MCC: variants seen among roughly 807,000 people sequenced by gnomAD.
The protein encoded by MCC is colorectal mutant cancer protein.
A neutral mutation model predicts 116.2 loss-of-function variants in MCC; 90 were observed. That is an observed-to-expected ratio of 0.77 (90% CI 0.65 to 0.92). MCC has a LOEUF of 0.92. Among genes scored for constraint, MCC ranks in the 40% least tolerant of loss-of-function variants. The pLI, the probability that MCC is intolerant of heterozygous loss-of-function variation, is 0.00. For synonymous variants in MCC, 578 were observed against 510.5 expected, an observed-to-expected ratio of 1.13 and a Z score of -1.78; for missense variants, 1,516 against 1,312.2, an observed-to-expected ratio of 1.16 and a Z score of -2.40.
At chr5:113,357,541 G>A (rs1768444003) in intron 2 of MCC, among the ~76,000 whole-genome samples, 1 of 152,150 alleles carries the variant, frequency 6.6e-6, no homozygotes, top group Admixed American at 6.5e-5. Flanking sequence ...ATTGGTCACA[G>A]CAAGTACCAG....
chr5:113,072,336 C>T (rs1478843561), intron 11 of MCC, among the ~76,000 whole-genome samples: 2 of 152,166 alleles, frequency 1.3e-5, no homozygotes, highest in Non-Finnish European at 2.9e-5. Flanking sequence ...CTGGCCATTC[C>T]AAGGTCACTT....
intron 1 of MCC, among the ~76,000 whole-genome samples, chr5:113,482,371 C>T (rs1772402232): frequency 6.6e-6 from 1 of 152,162 alleles, no homozygotes; most frequent in Non-Finnish European, 1.5e-5. Flanking sequence ...TTTCACATTG[C>T]TATCGGCAAT....
chr5:113,198,769 C>T (rs1288006849), intron 3 of MCC, among the ~76,000 whole-genome samples: 4 of 151,246 alleles, frequency 2.6e-5, no homozygotes, highest in Non-Finnish European at 5.9e-5. Context: ...CTGAGGAACA[C>T]AACAAACAGC....
At chr5:113,210,648 T>C (rs1469259791) in intron 3 of MCC, among the ~76,000 whole-genome samples, 2 of 152,038 alleles carry the variant, frequency 1.3e-5, no homozygotes, top group Non-Finnish European at 2.9e-5. Flanking sequence ...ATGACACGAA[T>C]GAATATAGGA....
intron 1 of MCC, among the ~76,000 whole-genome samples, chr5:113,406,665 G>A (rs1769843565): frequency 6.6e-6 from 1 of 151,982 alleles, no homozygotes; most frequent in Admixed American, 6.6e-5. Context: ...AATAATATTT[G>A]AAAAACACTT....
chr5:113,102,002 G>A, intron 7 of MCC, 57 bp from the exon 8 acceptor site: 2 of 1,547,568 alleles, frequency 1.3e-6, no homozygotes, highest in East Asian at 2.2e-5. Flanking sequence ...AAAGGGGATA[G>A]GAAGAAAATA....
intron 1 of MCC, among the ~76,000 whole-genome samples, chr5:113,466,713 T>C (rs1460223260): frequency 6.6e-6 from 1 of 152,212 alleles, no homozygotes; most frequent in Non-Finnish European, 1.5e-5. Flanking sequence ...ATGGAATGGC[T>C]GGGTCAAATG....
At chr5:113,185,088 G>C (rs1761833816) in intron 3 of MCC, among the ~76,000 whole-genome samples, 1 of 152,182 alleles carries the variant, frequency 6.6e-6, no homozygotes, top group African/African-American at 2.4e-5. Flanking sequence ...GCCACTCCAC[G>C]TGGAGACAGC....
chr5:113,420,482 G>A (rs1018193198), intron 1 of MCC, among the ~76,000 whole-genome samples: 1 of 152,012 alleles, frequency 6.6e-6, no homozygotes, highest in Non-Finnish European at 1.5e-5. Context: ...ATTCAAGCAG[G>A]GATCATCTCT....
At chr5:113,333,835 G>GTCTATATACA (rs1767775377) in intron 3 of MCC, among the ~76,000 whole-genome samples, 1 of 81,336 alleles carries the variant, frequency 1.2e-5, no homozygotes, top group Non-Finnish European at 2.8e-5. Flanking sequence ...ATGTATATAT[G>GTCTATATACA]TATATATGTA....
At chr5:113,350,129 A>G (rs1207670054) in intron 2 of MCC, among the ~76,000 whole-genome samples, 1 of 152,162 alleles carries the variant, frequency 6.6e-6, no homozygotes, top group Non-Finnish European at 1.5e-5. Context: ...AAAGCAATCT[A>G]CAGATTCAAT....
chr5:113,226,650 C>T (rs980902904), intron 3 of MCC, among the ~76,000 whole-genome samples: 4 of 152,168 alleles, frequency 2.6e-5, no homozygotes, highest in African/African-American at 9.7e-5. Flanking sequence ...ATATGCTTTT[C>T]AGGAGCTTAA....
intron 3 of MCC, among the ~76,000 whole-genome samples, chr5:113,252,643 T>G (rs966067061): frequency 6.6e-6 from 1 of 152,168 alleles, no homozygotes; most frequent in Non-Finnish European, 1.5e-5. Context: ...TGTAATGCAC[T>G]TGAATCATCC....
intron 3 of MCC, among the ~76,000 whole-genome samples, chr5:113,305,274 T>C (rs750819367): frequency 4.3e-4 from 66 of 152,310 alleles, no homozygotes; most frequent in Middle Eastern, 6.8e-3. Flanking sequence ...CTCAGTTGTT[T>C]TGCATGATTA....
intron 3 of MCC, among the ~76,000 whole-genome samples, chr5:113,165,548 A>G (rs1459593506): frequency 6.6e-6 from 1 of 152,160 alleles, no homozygotes; most frequent in Non-Finnish European, 1.5e-5. Flanking sequence ...GGTCTCCTAC[A>G]TCGGCACTCA....
At chr5:113,466,303 A>G (rs1435703979) in intron 1 of MCC, among the ~76,000 whole-genome samples, 1 of 151,254 alleles carries the variant, frequency 6.6e-6, no homozygotes, top group Non-Finnish European at 1.5e-5. Context: ...ATTTAGCATT[A>G]GGTATATCTC....
chr5:113,045,372 C>T (rs371314961), intron 16 of MCC, among the ~76,000 whole-genome samples: 5 of 152,254 alleles, frequency 3.3e-5, no homozygotes, highest in East Asian at 3.9e-4. Context: ...AAATGTGGCC[C>T]GCCAGCTGCT....
Position 113,171,199 on chromosome 5 carries a change from GAACCT to G in MCC, c.628-19782_628-19778del, listed in dbSNP as rs10588442. 6.8e-3 allele frequency among the ~76,000 whole-genome samples: 1,038 copies of G among 151,944 alleles called. 13 individuals are homozygous for G. Among genetic ancestry groups the G allele is most frequent in the African/African-American group, 0.024 (997 of 41,448 alleles). ...CCATCAGACAGGCAGCCATTCTCTT[GAACCT>G]AAAGACAAAAGGAGGAAGCATAGAA... On this transcript the variant is annotated intron_variant, in intron 3 of 18. Transcript: ENST00000408903.
At chr5:113,269,507 G>A (rs578060270) in intron 3 of MCC, among the ~76,000 whole-genome samples, 39 of 152,248 alleles carry the variant, frequency 2.6e-4, no homozygotes, top group African/African-American at 8.2e-4. Context: ...TCTGATTAAT[G>A]TTATTCAGAC....
Sources: allele counts gnomAD v4.1 joint callset (sites outside exome capture counted in the v4.1 genomes callset), GRCh38; gene constraint gnomAD v4.1.1; transcripts MANE v1.5; gene names NCBI Gene and HGNC (gene_info 2026-07-23, HGNC 2026-07-21).